ATF7: variants seen among roughly 807,000 people sequenced by gnomAD.
ATF7 encodes cyclic AMP-dependent transcription factor ATF-7.
A neutral mutation model predicts 50.4 loss-of-function variants in ATF7; 10 were observed. The observed-to-expected ratio is 0.20, with a 90% CI of 0.12 to 0.34. The LOEUF (loss-of-function observed/expected upper bound fraction) is 0.34, where lower values mean the gene tolerates loss of function less well. Ranked by LOEUF, ATF7 falls within the 10% of genes least tolerant of loss-of-function variation. The pLI, the probability that ATF7 is intolerant of heterozygous loss-of-function variation, is 1.00. For missense variants in ATF7, 465 were observed against 613.9 expected (o/e 0.76, Z 2.56); for synonymous variants, 201 against 226.4 (o/e 0.89, Z 1.01).
At chr12:53,600,091 G>A (rs940991625) in intron 2 of ATF7, among the ~76,000 whole-genome samples, 5 of 152,154 alleles carry the variant, frequency 3.3e-5, no homozygotes, top group African/African-American at 9.7e-5. Context: ...CAGAGAAAAT[G>A]TTTATATAAT....
chr12:53,554,060 A>G (rs1940553088), intron 2 of ATF7, among the ~76,000 whole-genome samples: 1 of 152,214 alleles, frequency 6.6e-6, no homozygotes, highest in Non-Finnish European at 1.5e-5. Flanking sequence ...AGATTGCTTG[A>G]GGCCAGGAGT....
intron 4 of ATF7, among the ~76,000 whole-genome samples, chr12:53,541,448 T>C (rs1939546875): frequency 2.6e-5 from 4 of 152,286 alleles, no homozygotes; most frequent in Admixed American, 2.0e-4. Flanking sequence ...AAAGTAAAAT[T>C]TGATCTTTGC....
intron 2 of ATF7, among the ~76,000 whole-genome samples, chr12:53,557,813 T>G (rs1168377833): frequency 6.6e-6 from 1 of 152,220 alleles, no homozygotes; most frequent in African/African-American, 2.4e-5. Flanking sequence ...TGAATTGAAA[T>G]GTACTGAAAA....
At chr12:53,595,838 T>C (rs1026063229) in intron 2 of ATF7, among the ~76,000 whole-genome samples, 3 of 152,194 alleles carry the variant, frequency 2.0e-5, no homozygotes, top group Non-Finnish European at 4.4e-5. Context: ...TAGTTATATG[T>C]TTCGTATCTC....
intron 1 of ATF7, among the ~76,000 whole-genome samples, chr12:53,617,479 A>G (rs1421602877): frequency 1.3e-5 from 2 of 152,160 alleles, no homozygotes; most frequent in African/African-American, 4.8e-5. Context: ...AAATACAAAA[A>G]TTAGCCAAGC....
At chr12:53,625,407 C>G (rs1944562877) in intron 1 of ATF7, among the ~76,000 whole-genome samples, 1 of 152,176 alleles carries the variant, frequency 6.6e-6, no homozygotes, top group South Asian at 2.1e-4. Flanking sequence ...AGCCCTAAAT[C>G]AATATCCCAA....
intron 2 of ATF7, among the ~76,000 whole-genome samples, chr12:53,570,754 T>C (rs1941705049): frequency 2.0e-5 from 3 of 151,596 alleles, no homozygotes; most frequent in South Asian, 4.2e-4. Context: ...TGTGTGTGTG[T>C]GTGTGTGTGT....
At chr12:53,577,718 A>G (rs76071645) in intron 2 of ATF7, among the ~76,000 whole-genome samples, 5 of 130,720 alleles carry the variant, frequency 3.8e-5, no homozygotes, top group African/African-American at 1.4e-4. Context: ...TCCGTCTCTG[A>G]AAAAAAAAAA....
intron 1 of ATF7, among the ~76,000 whole-genome samples, chr12:53,623,920 TAAAC>T (rs942711591): frequency 5.9e-5 from 9 of 152,194 alleles, no homozygotes; most frequent in Non-Finnish European, 2.9e-5. Flanking sequence ...AAAACCGTGG[TAAAC>T]AAACGTGTTT....
chr12:53,542,457 C>T (rs1304793666), intron 4 of ATF7, among the ~76,000 whole-genome samples: 2 of 151,874 alleles, frequency 1.3e-5, no homozygotes, highest in Non-Finnish European at 2.9e-5. Context: ...GATAGGGTCT[C>T]ACTCTGTCAC....
Position 53,570,736 on chromosome 12 carries a change from C to T in ATF7, c.49-18099G>A, listed in dbSNP as rs77408742. Among the ~76,000 whole-genome samples the T allele has an allele frequency of 3.7e-4, 53 of 143,686 alleles. No homozygotes were observed. In the East Asian group the frequency reaches 4.0e-3, roughly 11 times the overall value. 94.3% of individuals were successfully genotyped at this position (143,686 alleles called of 152,430 possible). ...CCTTCACATAGTGTTCTCCTGTGTGCGTGTGTGTGTGTGTGTGTGTGTGTG... is the reference window on the plus strand; with the variant it reads ...CCTTCACATAGTGTTCTCCTGTGTGTGTGTGTGTGTGTGTGTGTGTGTGTG... On this transcript the variant is annotated intron_variant, in intron 2 of 11. Transcript: ENST00000420353.
At chr12:53,538,669 A>T (rs1300849223) in intron 4 of ATF7, among the ~76,000 whole-genome samples, 1 of 152,118 alleles carries the variant, frequency 6.6e-6, no homozygotes, top group Non-Finnish European at 1.5e-5. Flanking sequence ...AACAAAGTGG[A>T]TCCTTTGTTC....
chr12:53,624,486 T>G (rs1944526948), intron 1 of ATF7, among the ~76,000 whole-genome samples: 1 of 152,240 alleles, frequency 6.6e-6, no homozygotes, highest in Non-Finnish European at 1.5e-5. Context: ...ATTAGTCCAA[T>G]TCGTTATTAA....
At chr12:53,587,843 ATTTTTTT>A (rs201692852) in intron 2 of ATF7, among the ~76,000 whole-genome samples, 7 of 61,564 alleles carry the variant, frequency 1.1e-4, no homozygotes, top group East Asian at 1.0e-3. Flanking sequence ...ATATATATAT[ATTTTTTT>A]TTTTTTTTCT....
At chr12:53,551,199 G>T (rs890803785) in intron 3 of ATF7, among the ~76,000 whole-genome samples, 3 of 152,170 alleles carry the variant, frequency 2.0e-5, no homozygotes, top group Non-Finnish European at 4.4e-5. Context: ...TTGCTTTGTA[G>T]TCTAGGCTAG....
intron 2 of ATF7, among the ~76,000 whole-genome samples, chr12:53,562,508 T>C (rs1003962105): frequency 6.6e-6 from 1 of 151,924 alleles, no homozygotes; most frequent in Non-Finnish European, 1.5e-5. Flanking sequence ...CTGGGTGTGG[T>C]GGTACGCACC....
At chr12:53,542,179 C>A (rs556405688) in intron 4 of ATF7, among the ~76,000 whole-genome samples, 1 of 144,800 alleles carries the variant, frequency 6.9e-6, no homozygotes, top group Non-Finnish European at 1.5e-5. Context: ...TAATCCCAGC[C>A]CTTTGGGAGG....
At chr12:53,535,451 C>A (rs977874922) in intron 5 of ATF7, among the ~76,000 whole-genome samples, 2 of 151,876 alleles carry the variant, frequency 1.3e-5, no homozygotes, top group Non-Finnish European at 2.9e-5. Context: ...ATGCTCTATC[C>A]ATAGTGGATG....
chr12:53,544,178 C>T (rs1424850862), intron 3 of ATF7, among the ~76,000 whole-genome samples: 2 of 152,308 alleles, frequency 1.3e-5, no homozygotes, highest in Non-Finnish European at 1.5e-5. Flanking sequence ...AGGGGCTGCA[C>T]GAGTCTCTCC....
Sources: allele counts gnomAD v4.1 joint callset (sites outside exome capture counted in the v4.1 genomes callset), GRCh38; gene constraint gnomAD v4.1.1; transcripts MANE v1.5; gene names NCBI Gene and HGNC (gene_info 2026-07-23, HGNC 2026-07-21).